Variants in GLI3 observed in about 807,000 individuals in gnomAD.
The protein encoded by GLI3 is transcription activator GLI3.
GLI3 carries 20 observed loss-of-function variants against 100.8 expected under a neutral mutation model. The observed-to-expected ratio is 0.20, with a 90% CI of 0.14 to 0.29. GLI3 has a LOEUF of 0.29. GLI3 is among the 10% of genes least tolerant of loss of function. The pLI, the probability that GLI3 is intolerant of heterozygous loss-of-function variation, is 1.00. For missense variants in GLI3, 2,040 were observed against 2,128.5 expected (o/e 0.96, Z 0.82); for synonymous variants, 938 against 860.5 (o/e 1.09, Z -1.58).
rs118085090 is a variant in GLI3, at chr7:42,233,563, A to G, written c.-43+3408T>C. On this transcript the variant is annotated intron_variant, in intron 1 of 14. Coordinates refer to ENST00000395925, the MANE Select transcript of GLI3 (RefSeq NM_000168.6). ...CTTTGCAGCTCCTTTTGCTGTCAAT[A>G]TATCAAAGTTTAAAAAAAATCATCA... Among the ~76,000 whole-genome samples the G allele has an allele frequency of 1.0e-3, 154 of 152,372 alleles. 1 individual carries two copies. Among genetic ancestry groups the G allele is most frequent in the Non-Finnish European group, 1.6e-3 (109 of 68,032 alleles).
intron 1 of GLI3, among the ~76,000 whole-genome samples, chr7:42,262,200 C>CCTTCCTTCCTTCCTTA (rs1263614533): frequency 1.3e-5 from 1 of 74,770 alleles, no homozygotes; most frequent in African/African-American, 4.4e-5. Flanking sequence ...TATTTTTTTT[C>CCTTCCTTCCTTCCTTA]CTTCCTTCTT....
chr7:42,047,348 T>C (rs1784264883), intron 5 of GLI3, among the ~76,000 whole-genome samples: 1 of 152,336 alleles, frequency 6.6e-6, no homozygotes, highest in Middle Eastern at 3.4e-3. Flanking sequence ...CTTCTCACCA[T>C]GCACACCCAG....
intron 2 of GLI3, among the ~76,000 whole-genome samples, chr7:42,202,265 C>A (rs896516317): frequency 1.3e-5 from 2 of 151,716 alleles, no homozygotes; most frequent in African/African-American, 2.4e-5. Context: ...ATTGGCCCCT[C>A]TTTGGTCTGT....
intron 3 of GLI3, among the ~76,000 whole-genome samples, chr7:42,136,775 GC>G (rs1786439118): frequency 6.6e-6 from 1 of 152,142 alleles, no homozygotes; most frequent in East Asian, 1.9e-4. Context: ...CATTTGGCCT[GC>G]CTTCCCTGAT....
rs758379697 is a variant in GLI3 at position 41,964,509 on chromosome 7, C to A, written c.4564G>T (p.Ala1522Ser). The change falls in exon 15 of 15, where the codon GCC becomes TCC. Residue 1522 changes from alanine to serine, a missense_variant. Physicochemically the swap from Ala to Ser is moderately conservative, Grantham distance 99. Coordinates refer to ENST00000395925, the MANE Select transcript of GLI3 (RefSeq NM_000168.6). ...TTCTGAATGATACTTGGGCTCAGGGCCCCCGACATCAGGCTGGAGTGGTCC... is the reference window on the plus strand; with the variant it reads ...TTCTGAATGATACTTGGGCTCAGGGACCCCGACATCAGGCTGGAGTGGTCC... Reference protein sequence around the residue: ...DGDHSSLMSGALSPSIIQNLS... With the variant: ...DGDHSSLMSGSLSPSIIQNLS... 9 of 1,613,612 alleles carry A rather than the reference C, an allele frequency of 5.6e-6. No individual in the cohort carries two copies. The Admixed American group carries it at 1.0e-4, about 18-fold the overall frequency.
In GLI3 at chr7:42,243,657, T is replaced by C. The variant is rs545202126; in HGVS notation, c.-43+20337A>G. On this transcript the variant is annotated intron_variant, in intron 1 of 2. Transcript: ENST00000678978. ...GGAGTGGATCTACTATCCGGATTAGTAGATGCCAAGGAAAGCAAGTTTCTT... is the reference window on the plus strand; with the variant it reads ...GGAGTGGATCTACTATCCGGATTAGCAGATGCCAAGGAAAGCAAGTTTCTT... Among the ~76,000 whole-genome samples the C allele has an allele frequency of 3.3e-5, 5 of 152,342 alleles. No individual in the cohort carries two copies. The South Asian group carries it at 1.0e-3, about 32-fold the overall frequency.
intron 4 of GLI3, among the ~76,000 whole-genome samples, chr7:42,066,339 C>T (rs779561169): frequency 6.6e-6 from 1 of 152,066 alleles, no homozygotes; most frequent in Non-Finnish European, 1.5e-5. Flanking sequence ...TCACTCCTTC[C>T]AATTCAACTT....
chr7:42,210,347 C>CA (rs1554340092), intron 2 of GLI3, among the ~76,000 whole-genome samples: 3 of 135,232 alleles, frequency 2.2e-5, no homozygotes, highest in South Asian at 5.8e-4. Flanking sequence ...AGCCCCCCCC[C>CA]CCCCCCCAAG....
chr7:42,228,938 C>G (rs886294687), intron 1 of GLI3, among the ~76,000 whole-genome samples: 2 of 152,124 alleles, frequency 1.3e-5, no homozygotes, highest in African/African-American at 2.4e-5. Flanking sequence ...TGAAAAGTCA[C>G]AAGTGTGGGA....
At chr7:41,983,239 G>A (rs1787723764) in intron 10 of GLI3, among the ~76,000 whole-genome samples, 1 of 152,190 alleles carries the variant, frequency 6.6e-6, no homozygotes, top group African/African-American at 2.4e-5. Context: ...AGCAAAATTA[G>A]AAGGAGGTAC....
chr7:42,154,243 C>T (rs1786947189), intron 2 of GLI3, among the ~76,000 whole-genome samples: 1 of 152,144 alleles, frequency 6.6e-6, no homozygotes, highest in Non-Finnish European at 1.5e-5. Flanking sequence ...ACACTGGACC[C>T]ACGTGGAGGA....
chr7:41,964,131 A>C lies in GLI3; in HGVS notation c.*199T>G. 1.9e-6 allele frequency: 1 copy of C among 537,144 alleles called. No individual in the cohort carries two copies. Among genetic ancestry groups the C allele is most frequent in the Non-Finnish European group, 3.3e-6 (1 of 302,732 alleles). The allele number at this position is 537,144 out of a possible 1,614,324, so 33.3% of individuals were successfully genotyped here. ...CAATACTGATTCAAAACTGAAATGG[A>C]AGACAGTTTCTCCCTAGAATACTTT... On this transcript the variant is annotated 3_prime_UTR_variant, in exon 15 of 15. Coordinates refer to ENST00000395925, the MANE Select transcript of GLI3 (RefSeq NM_000168.6).
intron 4 of GLI3, among the ~76,000 whole-genome samples, chr7:42,053,273 A>G (rs1360130510): frequency 6.6e-6 from 1 of 152,228 alleles, no homozygotes; most frequent in Non-Finnish European, 1.5e-5. Context: ...CTGGGATTAC[A>G]GGCGTGAGCC....
At chr7:42,253,351 A>T (rs1326926341) in intron 1 of GLI3, among the ~76,000 whole-genome samples, 1 of 152,210 alleles carries the variant, frequency 6.6e-6, no homozygotes, top group East Asian at 1.9e-4. Context: ...TGCTCAGCGC[A>T]TCTGCAGCAG....
intron 3 of GLI3, among the ~76,000 whole-genome samples, chr7:42,109,980 AC>A (rs1785666815): frequency 6.6e-6 from 1 of 152,220 alleles, no homozygotes; most frequent in African/African-American, 2.4e-5. Context: ...ACCAAGCATT[AC>A]TTTTCTGTGA....
chr7:42,214,998 G>C (rs1262070197), intron 2 of GLI3, among the ~76,000 whole-genome samples: 1 of 152,056 alleles, frequency 6.6e-6, no homozygotes, highest in Non-Finnish European at 1.5e-5. Context: ...CTAACACTAA[G>C]TTTTGCTAAC....
In GLI3 at chr7:41,987,250, C is replaced by A. The variant is rs190014847; in HGVS notation, c.1498-8502G>T. ...GTGGTATGATCTCAGCTCACTACAACCTCCACCTCCCGAGTTCAAGTGATT... is the reference window on the plus strand; with the variant it reads ...GTGGTATGATCTCAGCTCACTACAAACTCCACCTCCCGAGTTCAAGTGATT... On this transcript the variant is annotated intron_variant, in intron 10 of 14. Coordinates refer to ENST00000395925, the MANE Select transcript of GLI3 (RefSeq NM_000168.6). Among the ~76,000 whole-genome samples, 20 of 152,216 alleles carry A rather than the reference C, an allele frequency of 1.3e-4. 1 individual carries two copies. In the East Asian group the frequency reaches 3.5e-3, roughly 27 times the overall value.
At chr7:42,243,230 C>G (rs903108000) in intron 1 of GLI3, among the ~76,000 whole-genome samples, 1 of 152,090 alleles carries the variant, frequency 6.6e-6, no homozygotes, top group Non-Finnish European at 1.5e-5. Context: ...ATTCCAATAG[C>G]GTGGAGCCAA....
At chr7:42,017,495 C>T (rs888579017) in intron 10 of GLI3, among the ~76,000 whole-genome samples, 1 of 152,142 alleles carries the variant, frequency 6.6e-6, no homozygotes, top group African/African-American at 2.4e-5. Context: ...TCCCAGCCCA[C>T]CCCAAACTCC....
Sources: allele counts gnomAD v4.1 joint callset (sites outside exome capture counted in the v4.1 genomes callset), GRCh38; gene constraint gnomAD v4.1.1; transcripts MANE v1.5; gene names NCBI Gene and HGNC (gene_info 2026-07-23, HGNC 2026-07-21).